Variants in PDE4B observed in about 807,000 individuals in gnomAD.
The protein encoded by PDE4B is 3',5'-cyclic-AMP phosphodiesterase 4B.
Under a neutral mutation model 82.2 loss-of-function variants are expected in PDE4B, and 20 were observed. That is an observed-to-expected ratio of 0.24 (90% CI 0.17 to 0.35). The LOEUF (loss-of-function observed/expected upper bound fraction) is 0.35, where lower values mean the gene tolerates loss of function less well. Among genes scored for constraint, PDE4B ranks in the 10% least tolerant of loss-of-function variants. The probability of loss-of-function intolerance (pLI) is 1.00; values close to 1 mark genes in which losing one functional copy is unlikely to be tolerated. For synonymous variants in PDE4B, 320 were observed against 318.9 expected, an observed-to-expected ratio of 1.00 and a Z score of -0.04; for missense variants, 655 against 907.2, an observed-to-expected ratio of 0.72 and a Z score of 3.57.
intron 3 of PDE4B, among the ~76,000 whole-genome samples, chr1:66,188,254 A>C (rs1157188296): frequency 1.3e-5 from 2 of 151,950 alleles, no homozygotes; most frequent in Non-Finnish European, 2.9e-5. Context: ...TTTACTTCCA[A>C]CTATGTGGTC....
intron 3 of PDE4B, among the ~76,000 whole-genome samples, chr1:66,186,536 G>T (rs924071167): frequency 2.0e-5 from 3 of 152,270 alleles, no homozygotes; most frequent in African/African-American, 4.8e-5. Context: ...AGTTCTCCTT[G>T]AAGAGGTCCT....
intron 9 of PDE4B, among the ~76,000 whole-genome samples, chr1:66,356,678 C>T (rs1417272057): frequency 6.6e-6 from 1 of 152,228 alleles, no homozygotes; most frequent in Non-Finnish European, 1.5e-5. Flanking sequence ...AATCCTATTT[C>T]TCTAACACCA....
intron 7 of PDE4B, among the ~76,000 whole-genome samples, chr1:66,274,490 T>C (rs1301767855): frequency 6.6e-6 from 1 of 152,146 alleles, no homozygotes; most frequent in Non-Finnish European, 1.5e-5. Context: ...GGCATTTTAA[T>C]ATTCTATATG....
At chr1:65,830,607 T>C (rs567009982) in intron 1 of PDE4B, among the ~76,000 whole-genome samples, 2 of 152,062 alleles carry the variant, frequency 1.3e-5, no homozygotes, top group Admixed American at 1.3e-4. Flanking sequence ...CAAAACCAAA[T>C]TGAGCAACAT....
intron 7 of PDE4B, among the ~76,000 whole-genome samples, chr1:66,276,924 C>T (rs1481773449): frequency 6.6e-6 from 1 of 152,060 alleles, no homozygotes; most frequent in East Asian, 1.9e-4. Flanking sequence ...CGTTATTTTA[C>T]GTAAAGCATT....
At chr1:66,206,826 C>G (rs984401928) in intron 3 of PDE4B, among the ~76,000 whole-genome samples, 3 of 152,172 alleles carry the variant, frequency 2.0e-5, no homozygotes, top group Admixed American at 6.5e-5. Flanking sequence ...AGCTCAGGAA[C>G]AGGTTTCATT....
chr1:66,187,498 C>T (rs562971248), intron 3 of PDE4B, among the ~76,000 whole-genome samples: 1 of 152,262 alleles, frequency 6.6e-6, no homozygotes, highest in African/African-American at 2.4e-5. Context: ...TTGATTATTG[C>T]CACAATTTCA....
intron 3 of PDE4B, among the ~76,000 whole-genome samples, chr1:66,129,655 G>A (rs1230851514): frequency 3.8e-5 from 2 of 52,716 alleles, no homozygotes; most frequent in Non-Finnish European, 6.8e-5. Flanking sequence ...GCGAGACTCC[G>A]TCTCAAAAAA....
At chr1:66,257,577 A>G in intron 4 of PDE4B, 70 bp from the exon 5 acceptor site, 4 of 1,315,378 alleles carry the variant, frequency 3.0e-6, no homozygotes, top group Non-Finnish European at 4.4e-6. Context: ...AAAATTTAAT[A>G]TTATAGCTTA....
At chr1:66,242,280 A>T (rs1348559608) in intron 3 of PDE4B, among the ~76,000 whole-genome samples, 4 of 152,200 alleles carry the variant, frequency 2.6e-5, no homozygotes, top group Non-Finnish European at 4.4e-5. Flanking sequence ...AGGCAAAAAG[A>T]ATTAGCCTGC....
intron 7 of PDE4B, among the ~76,000 whole-genome samples, chr1:66,271,136 A>G (rs1655444724): frequency 6.6e-6 from 1 of 152,290 alleles, no homozygotes; most frequent in Non-Finnish European, 1.5e-5. Context: ...TCGCAAAAAC[A>G]TTAATACCTC....
chr1:65,831,317 A>G (rs1418666454), intron 1 of PDE4B, among the ~76,000 whole-genome samples: 3 of 152,206 alleles, frequency 2.0e-5, no homozygotes, highest in African/African-American at 7.2e-5. Context: ...AGAAAAACTG[A>G]CACACATTCC....
intron 3 of PDE4B, among the ~76,000 whole-genome samples, chr1:65,976,626 A>T (rs969545065): frequency 2.0e-5 from 3 of 151,952 alleles, no homozygotes; most frequent in African/African-American, 7.3e-5. Flanking sequence ...ACCTGGTGAG[A>T]GGTGATTAGA....
At chr1:66,369,311 T>C (rs1663498662) in intron 16 of PDE4B, among the ~76,000 whole-genome samples, 1 of 152,226 alleles carries the variant, frequency 6.6e-6, no homozygotes. Context: ...TCTGTCTTCA[T>C]TCAAGAACTC....
intron 1 of PDE4B, among the ~76,000 whole-genome samples, chr1:65,867,581 T>A (rs569148234): frequency 6.6e-6 from 1 of 152,360 alleles, no homozygotes; most frequent in South Asian, 2.1e-4. Context: ...ACTTCCAGCC[T>A]CTAGCTGTGT....
chr1:66,261,549 G>T (rs539994525), intron 6 of PDE4B, among the ~76,000 whole-genome samples: 3 of 152,258 alleles, frequency 2.0e-5, no homozygotes, highest in Admixed American at 6.5e-5. Context: ...TGAGACATCT[G>T]GTTAGTGTGG....
chr1:66,051,852 A>G (rs929542654), intron 3 of PDE4B, among the ~76,000 whole-genome samples: 8 of 152,210 alleles, frequency 5.3e-5, no homozygotes, highest in African/African-American at 1.7e-4. Flanking sequence ...AAGGTGATGT[A>G]GCATCCAGAT....
At chr1:65,846,082 G>A (rs752165268) in intron 1 of PDE4B, among the ~76,000 whole-genome samples, 2 of 152,126 alleles carry the variant, frequency 1.3e-5, no homozygotes, top group Non-Finnish European at 2.9e-5. Context: ...AGGTGTTATG[G>A]TCTAAGTTCT....
At chr1:66,068,837 A>G (rs1656004657) in intron 3 of PDE4B, among the ~76,000 whole-genome samples, 1 of 151,972 alleles carries the variant, frequency 6.6e-6, no homozygotes. Context: ...TTGTACAACT[A>G]CAAATCTGTT....
Sources: allele counts gnomAD v4.1 joint callset (sites outside exome capture counted in the v4.1 genomes callset), GRCh38; gene constraint gnomAD v4.1.1; transcripts MANE v1.5; gene names NCBI Gene and HGNC (gene_info 2026-07-23, HGNC 2026-07-21).